KCTD1: variants seen among roughly 807,000 people sequenced by gnomAD.
KCTD1 encodes the protein potassium channel tetramerization domain containing 1.
KCTD1 carries 24 observed loss-of-function variants against 66.0 expected under a neutral mutation model. That is an observed-to-expected ratio of 0.36 (90% CI 0.26 to 0.51). The LOEUF (loss-of-function observed/expected upper bound fraction) is 0.51. Ranked by LOEUF, KCTD1 falls within the 20% of genes least tolerant of loss-of-function variation. KCTD1 has a pLI of 0.95. For synonymous variants in KCTD1, 511 were observed against 517.2 expected (o/e 0.99, Z 0.16); for missense variants, 943 against 1,205.2 (o/e 0.78, Z 3.22).
chr18:26,464,175 C>T (rs558775929), intron 3 of KCTD1, among the ~76,000 whole-genome samples: 31 of 152,340 alleles, frequency 2.0e-4, no homozygotes, highest in African/African-American at 6.0e-4. Context: ...GGTCAGAAGT[C>T]GGAAATGGAT....
chr18:26,528,495 C>G (rs1387727451), intron 1 of KCTD1, among the ~76,000 whole-genome samples: 1 of 152,172 alleles, frequency 6.6e-6, no homozygotes, highest in East Asian at 1.9e-4. Context: ...GGTTCAGGTC[C>G]TCTCTCTTTT....
At chr18:26,570,605 T>C (rs2144897039) in intron 1 of KCTD1, among the ~76,000 whole-genome samples, 1 of 152,166 alleles carries the variant, frequency 6.6e-6, no homozygotes, top group East Asian at 1.9e-4. Flanking sequence ...GAGACGAGGT[T>C]TCACTATGTT....
At position 26,605,113 on chromosome 18, in the gene KCTD1, T is replaced by C. The variant is rs376012243; in HGVS notation, c.-16+24034A>G. Among the ~76,000 whole-genome samples, 21 of 152,300 alleles carry C rather than the reference T, an allele frequency of 1.4e-4. No individual in the cohort carries two copies. In the South Asian group the frequency reaches 4.1e-3, roughly 30 times the overall value. On this transcript the variant is annotated intron_variant, in intron 1 of 4. Coordinates refer to the KCTD1 transcript ENST00000317932. ...AGACAAAGGGCATGCCTCAGCCGTC[T>C]TTTAGTAAAGGTTCAGGAAATCACC...
chr18:26,487,605 G>A (rs1392764484), intron 2 of KCTD1, among the ~76,000 whole-genome samples: 1 of 152,242 alleles, frequency 6.6e-6, no homozygotes, highest in Non-Finnish European at 1.5e-5. Flanking sequence ...ACTTGTGGGT[G>A]TGTGTGGTTG....
upstream of KCTD1, chr18:26,629,291 C>T (rs945175105): frequency 2.2e-5 from 17 of 764,832 alleles, no homozygotes; most frequent in South Asian, 5.8e-5. Flanking sequence ...TAGCCTCTGC[C>T]CTGCAAGCTA....
intron 1 of KCTD1, among the ~76,000 whole-genome samples, chr18:26,623,564 T>C (rs1987436030): frequency 6.6e-6 from 1 of 152,206 alleles, no homozygotes; most frequent in Non-Finnish European, 1.5e-5. Context: ...AGGACATGTT[T>C]GCTTCCCTTT....
At chr18:26,470,231 C>T (rs1247917492) in intron 3 of KCTD1, among the ~76,000 whole-genome samples, 2 of 152,118 alleles carry the variant, frequency 1.3e-5, no homozygotes, top group Non-Finnish European at 2.9e-5. Flanking sequence ...CTATTTCAAC[C>T]TCTTTCCCTT....
chr18:26,621,526 G>T (rs940774945), intron 1 of KCTD1, among the ~76,000 whole-genome samples: 21 of 152,074 alleles, frequency 1.4e-4, no homozygotes, highest in South Asian at 2.1e-4. Flanking sequence ...GGGCGACACT[G>T]GGGGAGAGGA....
chr18:26,615,540 G>A (rs1000541177), intron 1 of KCTD1, among the ~76,000 whole-genome samples: 6 of 152,084 alleles, frequency 3.9e-5, no homozygotes, highest in Non-Finnish European at 5.9e-5. Context: ...TCTTAAAGCT[G>A]GAACAGGAAA....
chr18:26,573,625 C>A (rs1235373240), intron 1 of KCTD1, among the ~76,000 whole-genome samples: 1 of 152,150 alleles, frequency 6.6e-6, no homozygotes, highest in Non-Finnish European at 1.5e-5. Context: ...GCTATAAGTG[C>A]CTTTCCAGAG....
chr18:26,528,316 T>C (rs1012355242), intron 1 of KCTD1, among the ~76,000 whole-genome samples: 38 of 152,112 alleles, frequency 2.5e-4, no homozygotes, highest in African/African-American at 9.2e-4. Flanking sequence ...GGTCCCAGGA[T>C]GGTGGGGGGA....
Position 26,547,487 on chromosome 18 carries a change from G to T in KCTD1, c.1050C>A (p.Ser350=), listed in dbSNP as rs1210366432. Residue 350 remains serine (S), a synonymous_variant, in exon 1 of 5, where the codon TCC becomes TCA. Transcript: ENST00000580059. ...EDGRKFVYFK[S]LGPYHKSRSS... is the part of the protein sequence containing the mutation. ...AGCGCGACTTGTGGTAGGGCCCGAG[G>T]GACTTGAAGTAGACGAACTTGCGAC... 1 of 1,551,548 alleles carries T rather than the reference G, an allele frequency of 6.4e-7. No individual in the cohort carries two copies.
chr18:26,623,500 T>C (rs1467668760), intron 1 of KCTD1, among the ~76,000 whole-genome samples: 2 of 152,184 alleles, frequency 1.3e-5, no homozygotes, highest in African/African-American at 4.8e-5. Context: ...GATGGTTTTA[T>C]AAGGGAGTTT....
intron 1 of KCTD1, among the ~76,000 whole-genome samples, chr18:26,615,631 T>C (rs191470481): frequency 2.6e-4 from 40 of 152,294 alleles, no homozygotes; most frequent in African/African-American, 9.1e-4. Flanking sequence ...CCTGAGAAAT[T>C]TGAGATACAG....
chr18:26,499,077 C>T (rs982684745), intron 2 of KCTD1, among the ~76,000 whole-genome samples: 1 of 152,164 alleles, frequency 6.6e-6, no homozygotes, highest in Non-Finnish European at 1.5e-5. Context: ...GCTTAAGTCA[C>T]AGAAAATATA....
intron 1 of KCTD1, among the ~76,000 whole-genome samples, chr18:26,605,000 T>C (rs555338): frequency 0.57 from 86,395 of 151,978 alleles, 24,902 homozygotes; most frequent in African/African-American, 0.68. Flanking sequence ...CTCACTACCC[T>C]GCCATCCTCA....
chr18:26,490,197 C>T (rs1982125165), intron 2 of KCTD1, among the ~76,000 whole-genome samples: 1 of 152,208 alleles, frequency 6.6e-6, no homozygotes, highest in Non-Finnish European at 1.5e-5. Flanking sequence ...CACCACCTTT[C>T]TCTGCAGCTC....
At chr18:26,543,850 G>A (rs903617076) in intron 1 of KCTD1, 1 of 152,170 alleles carries the variant, frequency 6.6e-6, no homozygotes, top group African/African-American at 2.4e-5. Context: ...TACAAAAACT[G>A]TAGTGACAAA....
intron 1 of KCTD1, among the ~76,000 whole-genome samples, chr18:26,527,492 A>AG (rs147266086): frequency 0.13 from 14,025 of 108,724 alleles, 733 homozygotes; most frequent in African/African-American, 0.19. Context: ...CAAAAAAAAA[A>AG]GGGGGGGGGG....
Sources: gnomAD v4.1 joint callset for allele counts (sites outside exome capture counted in the v4.1 genomes callset) on GRCh38, gnomAD v4.1.1 for gene constraint, MANE v1.5 for transcripts, NCBI Gene and HGNC (gene_info 2026-07-23, HGNC 2026-07-21) for gene names.